NCAM1: variants seen among roughly 807,000 people sequenced by gnomAD.
The protein encoded by NCAM1 is antigen recognized by monoclonal antibody 5.1H11.
Under a neutral mutation model 109.8 loss-of-function variants are expected in NCAM1, and 14 were observed. The observed-to-expected ratio is 0.13, with a 90% CI of 0.08 to 0.20. The LOEUF (loss-of-function observed/expected upper bound fraction) is 0.20, where lower values mean the gene tolerates loss of function less well. NCAM1 is among the 10% of genes least tolerant of loss of function. The pLI is 1.00. For synonymous variants in NCAM1, 418 were observed against 442.9 expected, an observed-to-expected ratio of 0.94 and a Z score of 0.70; for missense variants, 774 against 1,109.9, an observed-to-expected ratio of 0.70 and a Z score of 4.30.
intron 1 of NCAM1, among the ~76,000 whole-genome samples, chr11:112,992,583 G>A (rs1401587426): frequency 2.7e-5 from 4 of 149,038 alleles, no homozygotes; most frequent in African/African-American, 9.9e-5. Flanking sequence ...CTCATTGCAA[G>A]CTCTGCCTCT....
rs141931376 is a variant in NCAM1 at position 113,091,759 on chromosome 11, G to A, written c.53-110620G>A. Among the ~76,000 whole-genome samples the A allele has an allele frequency of 7.4e-4, 112 of 152,326 alleles. 1 individual carries two copies. Among genetic ancestry groups the A allele is most frequent in the African/African-American group, 2.6e-3 (108 of 41,572 alleles). ...GGCTTATAGCCCCACTTCATGGATA[G>A]CTAAACTTAAGAATGGAAAAAATTA... On this transcript the variant is annotated intron_variant, in intron 1 of 19. Transcript: ENST00000316851.
At chr11:113,056,213 A>G (rs934987982) in intron 1 of NCAM1, among the ~76,000 whole-genome samples, 3 of 151,548 alleles carry the variant, frequency 2.0e-5, no homozygotes, top group African/African-American at 7.3e-5. Context: ...GGTAGAGAGT[A>G]GAATGCTGGT....
intron 1 of NCAM1, among the ~76,000 whole-genome samples, chr11:113,149,984 A>C (rs1343816724): frequency 6.6e-6 from 1 of 152,218 alleles, no homozygotes; most frequent in Non-Finnish European, 1.5e-5. Flanking sequence ...ATTTGCATAA[A>C]AGTGAGAATT....
intron 1 of NCAM1, among the ~76,000 whole-genome samples, chr11:113,004,818 CT>C (rs1322637400): frequency 1.6e-5 from 2 of 126,572 alleles, no homozygotes; most frequent in African/African-American, 2.8e-5. Flanking sequence ...TGTACTGATT[CT>C]TTGATTTTTT....
At chr11:113,086,727 T>C (rs782163457) in intron 1 of NCAM1, among the ~76,000 whole-genome samples, 4 of 152,104 alleles carry the variant, frequency 2.6e-5, no homozygotes, top group Admixed American at 2.0e-4. Context: ...ACTCAGAGAG[T>C]TGGGAAGAAG....
intron 1 of NCAM1, among the ~76,000 whole-genome samples, chr11:113,111,788 A>G (rs1940454819): frequency 6.6e-6 from 1 of 152,074 alleles, no homozygotes. Flanking sequence ...TAAAAGAGAG[A>G]CTCTGTCTTG....
At chr11:113,158,109 T>C (rs781918327) in intron 1 of NCAM1, among the ~76,000 whole-genome samples, 15 of 152,184 alleles carry the variant, frequency 9.9e-5, no homozygotes, top group Non-Finnish European at 1.8e-4. Context: ...TATCTAAAAA[T>C]TGTATACATT....
chr11:113,204,420 A>G lies in NCAM1; in HGVS notation c.262A>G (p.Ile88Val). The G allele has an allele frequency of 1.9e-6, 3 of 1,613,990 alleles. No individual in the cohort carries two copies. The highest frequency in any genetic ancestry group is 2.5e-6 in the Non-Finnish European group (3 of 1,179,870). Residue 88 changes from isoleucine (I) to valine (V), a missense_variant, in exon 3 of 20, where the codon ATC becomes GTC. Physicochemically the swap from Ile to Val is conservative, Grantham distance 29. Coordinates refer to ENST00000316851, the MANE Select transcript of NCAM1 (RefSeq NM_181351.5). ...CACCCTCACCATCTATAACGCCAACATCGACGACGCCGGCATTTACAAGTG... is the reference window on the plus strand; with the variant it reads ...CACCCTCACCATCTATAACGCCAACGTCGACGACGCCGGCATTTACAAGTG... ...SSTLTIYNANIDDAGIYKCVV... is the reference protein window; with the variant it reads ...SSTLTIYNANVDDAGIYKCVV...
At chr11:113,260,453 A>C (rs1209821368) in intron 17 of NCAM1, 130 bp downstream of exon 17, 1 of 1,067,502 alleles carries the variant, frequency 9.4e-7, no homozygotes. Flanking sequence ...TTGCCCATGC[A>C]AAGCTTAGTT....
At chr11:112,984,292 C>T (rs1288229056) in intron 1 of NCAM1, among the ~76,000 whole-genome samples, 2 of 151,800 alleles carry the variant, frequency 1.3e-5, no homozygotes, top group African/African-American at 2.4e-5. Flanking sequence ...TAAAATTCAT[C>T]TGTCGATGGA....
chr11:113,007,994 TA>T (rs781266227), intron 1 of NCAM1, among the ~76,000 whole-genome samples: 1 of 152,128 alleles, frequency 6.6e-6, no homozygotes, highest in African/African-American at 2.4e-5. Context: ...AGGTGGAAAA[TA>T]AAAAAATTTG....
intron 15 of NCAM1, among the ~76,000 whole-genome samples, 189 bp downstream of exon 15, chr11:113,246,559 C>T (rs1267144975): frequency 6.6e-6 from 1 of 152,214 alleles, no homozygotes; most frequent in Non-Finnish European, 1.5e-5. Flanking sequence ...TCATGACAAC[C>T]TTTGGTTTGG....
chr11:112,973,410 A>G (rs782087292), intron 1 of NCAM1, among the ~76,000 whole-genome samples: 2 of 152,150 alleles, frequency 1.3e-5, no homozygotes, highest in African/African-American at 2.4e-5. Flanking sequence ...TGGAAATCCA[A>G]TGAAAGCTCT....
intron 1 of NCAM1, among the ~76,000 whole-genome samples, chr11:113,182,545 C>T (rs1475140156): frequency 4.6e-5 from 7 of 152,226 alleles, no homozygotes; most frequent in Admixed American, 2.6e-4. Context: ...TTTGCTTGCT[C>T]TTCATTGCCA....
chr11:113,107,486 C>A (rs562928701), intron 1 of NCAM1, among the ~76,000 whole-genome samples: 3 of 152,228 alleles, frequency 2.0e-5, no homozygotes, highest in Non-Finnish European at 4.4e-5. Flanking sequence ...ATACCTGAGA[C>A]TGGGTACTTT....
intron 1 of NCAM1, among the ~76,000 whole-genome samples, chr11:113,199,829 T>TGGAAAAAAAAAAAAAAAAAAAAAA (rs60389510): frequency 6.9e-5 from 8 of 115,760 alleles, no homozygotes; most frequent in African/African-American, 2.7e-4. Flanking sequence ...GAAACACCCT[T>TGGAAAAAAAAAAAAAAAAAAAAAA]AAAAAAAAAA....
At chr11:113,092,440 G>T (rs1214329347) in intron 1 of NCAM1, among the ~76,000 whole-genome samples, 1 of 152,038 alleles carries the variant, frequency 6.6e-6, no homozygotes, top group Non-Finnish European at 1.5e-5. Flanking sequence ...CTGGAGGCAG[G>T]TCCTTTTATT....
intron 1 of NCAM1, among the ~76,000 whole-genome samples, chr11:113,035,799 A>G (rs1042224993): frequency 3.3e-5 from 5 of 151,932 alleles, no homozygotes; most frequent in Non-Finnish European, 7.4e-5. Flanking sequence ...CTTTAGTTTT[A>G]TTTTCCTCTT....
intron 1 of NCAM1, among the ~76,000 whole-genome samples, chr11:113,035,407 A>G (rs1555079013): frequency 6.6e-6 from 1 of 152,116 alleles, no homozygotes; most frequent in Non-Finnish European, 1.5e-5. Flanking sequence ...TGGGTGAGTA[A>G]CTCTGCACAT....
Sources: allele counts gnomAD v4.1 joint callset (sites outside exome capture counted in the v4.1 genomes callset), GRCh38; gene constraint gnomAD v4.1.1; transcripts MANE v1.5; gene names NCBI Gene and HGNC (gene_info 2026-07-23, HGNC 2026-07-21).